Variants in AEBP2 observed in about 807,000 individuals in gnomAD.
AEBP2 encodes AE binding protein 2, also known as zinc finger protein AEBP2.
AEBP2 carries 10 observed loss-of-function variants against 50.8 expected under a neutral mutation model. That is an observed-to-expected ratio of 0.20 (90% CI 0.12 to 0.33). The LOEUF (loss-of-function observed/expected upper bound fraction) is 0.33, where lower values mean the gene tolerates loss of function less well. AEBP2 is among the 10% of genes least tolerant of loss of function. The pLI is 1.00. For synonymous variants in AEBP2, 296 were observed against 261.3 expected (o/e 1.13, Z -1.28); for missense variants, 570 against 688.0 (o/e 0.83, Z 1.92).
At chr12:19,410,099 A>G (rs1472443227) in intron 1 of AEBP2, among the ~76,000 whole-genome samples, 6 of 152,164 alleles carry the variant, frequency 3.9e-5, no homozygotes, top group African/African-American at 1.4e-4. Flanking sequence ...CTTCTCTCTC[A>G]AGAAATTAGA....
intron 3 of AEBP2, among the ~76,000 whole-genome samples, chr12:19,477,851 G>T (rs1172950248): frequency 1.3e-5 from 2 of 152,158 alleles, no homozygotes; most frequent in Non-Finnish European, 2.9e-5. Flanking sequence ...GTTACATTAA[G>T]ATTGGCACCA....
intron 1 of AEBP2, among the ~76,000 whole-genome samples, chr12:19,461,571 G>A (rs1289777440): frequency 7.2e-5 from 11 of 152,014 alleles, no homozygotes; most frequent in Admixed American, 7.2e-4. Flanking sequence ...GTGCAATGGT[G>A]CGATCTCGGC....
At position 19,485,443 on chromosome 12, in the gene AEBP2, C is replaced by T. The variant is rs184755629; in HGVS notation, c.988-8357C>T. On this transcript the variant is annotated intron_variant, in intron 3 of 7. Transcript: ENST00000266508. Reference sequence around the variant, plus strand: ...ACAGAGTAGGCCGGGTGTCCTGGCTCATGCTGTAATCCCAGCACTTTGGGA... The same window carrying T: ...ACAGAGTAGGCCGGGTGTCCTGGCTTATGCTGTAATCCCAGCACTTTGGGA... Among the ~76,000 whole-genome samples the T allele has an allele frequency of 4.6e-5, 7 of 152,088 alleles. No individual in the cohort carries two copies. In the East Asian group the frequency reaches 7.7e-4, roughly 17 times the overall value.
intron 1 of AEBP2, among the ~76,000 whole-genome samples, chr12:19,412,028 G>A (rs531802884): frequency 2.6e-5 from 4 of 152,208 alleles, no homozygotes; most frequent in Admixed American, 6.5e-5. Context: ...TAAGTGCTGC[G>A]CAGGTTCTGT....
chr12:19,410,900 G>A (rs759888655), intron 1 of AEBP2, among the ~76,000 whole-genome samples: 1 of 152,054 alleles, frequency 6.6e-6, no homozygotes, highest in African/African-American at 2.4e-5. Context: ...GAGGAAGGAG[G>A]GACGGCTTAA....
At chr12:19,495,697 A>G (rs1948968191) in intron 4 of AEBP2, among the ~76,000 whole-genome samples, 1 of 151,782 alleles carries the variant, frequency 6.6e-6, no homozygotes, top group African/African-American at 2.4e-5. Flanking sequence ...CTGAGCCACC[A>G]TGCCTGGCTA....
At chr12:19,500,358 TA>T in intron 5 of AEBP2, 137 bp downstream of exon 5, 1 of 893,908 alleles carries the variant, frequency 1.1e-6, no homozygotes. Context: ...TATCAGTATT[TA>T]AAACATTGTA....
At chr12:19,410,609 C>G (rs73335368) in intron 1 of AEBP2, among the ~76,000 whole-genome samples, 1 of 152,150 alleles carries the variant, frequency 6.6e-6, no homozygotes, top group Non-Finnish European at 1.5e-5. Context: ...TCATCTACCC[C>G]CTTCCCCAAC....
At chr12:19,454,346 C>G (rs1948226508) in intron 1 of AEBP2, among the ~76,000 whole-genome samples, 1 of 152,170 alleles carries the variant, frequency 6.6e-6, no homozygotes, top group Middle Eastern at 3.2e-3. Flanking sequence ...TTTATGTCAA[C>G]TTTTAATTGT....
At chr12:19,508,035 T>C (rs1949177083) in intron 5 of AEBP2, among the ~76,000 whole-genome samples, 1 of 152,130 alleles carries the variant, frequency 6.6e-6, no homozygotes, top group Non-Finnish European at 1.5e-5. Context: ...GTCAGCAAAA[T>C]CCTAGTTACC....
intron 1 of AEBP2, among the ~76,000 whole-genome samples, chr12:19,404,912 C>T (rs1793764458): frequency 6.7e-6 from 1 of 150,324 alleles, no homozygotes; most frequent in South Asian, 2.1e-4. Context: ...TCTCGTGATT[C>T]CAACTTCCTT....
At chr12:19,420,194 TTTTTTTGTA>T (rs1346978639) in intron 1 of AEBP2, among the ~76,000 whole-genome samples, 1 of 151,072 alleles carries the variant, frequency 6.6e-6, no homozygotes, top group Admixed American at 6.6e-5. Context: ...TGGCTAATTT[TTTTTTTGTA>T]TTTTTAGTAG....
Position 19,493,662 on chromosome 12 carries a change from TC to T in AEBP2, c.988-135del, listed in dbSNP as rs1948927613. On this transcript the variant is annotated intron_variant, in intron 3 of 7. Coordinates refer to ENST00000266508, the MANE Select transcript of AEBP2 (RefSeq NM_153207.5). ...CTTCGTAAAGTGAAAAGACTACTAGTCCCTTATGCTTCCTTTCTGGAATTAG... is the reference window on the plus strand; with the variant it reads ...CTTCGTAAAGTGAAAAGACTACTAGTCCTTATGCTTCCTTTCTGGAATTAG... 3.9e-6 allele frequency: 3 copies of T among 776,118 alleles called. No individual in the cohort carries two copies. The South Asian group carries it at 6.8e-5, about 18-fold the overall frequency. The allele number at this position is 776,118 out of a possible 1,614,324, so 48.1% of individuals were successfully genotyped here.
In AEBP2 at chr12:19,462,572, T is replaced by G. The variant is rs1437485317; in HGVS notation, c.734T>G (p.Met245Arg). 6.2e-7 allele frequency: 1 copy of G among 1,613,640 alleles called. No homozygotes were observed. Among genetic ancestry groups the G allele is most frequent in the African/African-American group, 1.3e-5 (1 of 74,902 alleles). Residue 245 changes from methionine (M) to arginine (R), a missense_variant, in exon 2 of 8, where the codon ATG (methionine) becomes AGG (arginine). By Grantham distance (91) the Met-to-Arg change is moderately conservative (BLOSUM62 -1). This residue lies in a region of AEBP2 where 184 missense variants were observed against 351.2 expected (regional missense o/e 0.52). Coordinates refer to ENST00000266508, the MANE Select transcript of AEBP2 (RefSeq NM_153207.5). ...TCCAGTGGGCGTTCAACTCCAGCAATGATGAATGGACAAGGAAGCACTACT... is the reference window on the plus strand; with the variant it reads ...TCCAGTGGGCGTTCAACTCCAGCAAGGATGAATGGACAAGGAAGCACTACT... ...TISSGRSTPA[M>R]MNGQGSTTSS...
At chr12:19,410,455 G>T (rs2095738681) in intron 1 of AEBP2, among the ~76,000 whole-genome samples, 1 of 152,126 alleles carries the variant, frequency 6.6e-6, no homozygotes, top group Non-Finnish European at 1.5e-5. Context: ...AGATGGAAGA[G>T]ATTCAAATAT....
chr12:19,512,213 G>A (rs1188701850), intron 5 of AEBP2, among the ~76,000 whole-genome samples, 185 bp from the exon 6 acceptor site: 1 of 152,038 alleles, frequency 6.6e-6, no homozygotes, highest in African/African-American at 2.4e-5. Context: ...GTAGAGACGG[G>A]GTTTCACCAT....
intron 5 of AEBP2, chr12:19,508,950 C>A: frequency 2.2e-6 from 1 of 462,574 alleles, no homozygotes. Context: ...TACAATACAG[C>A]CTCTAACAAA....
At chr12:19,494,013 TGTATTTCATGG>T (rs762427035) in intron 4 of AEBP2, 27 bp downstream of exon 4, 3 of 285,672 alleles carry the variant, frequency 1.1e-5, no homozygotes, top group South Asian at 5.2e-5. Flanking sequence ...GAAAATCTGG[TGTATTTCATGG>T]TTTTAAAAGA....
At chr12:19,475,600 T>C (rs1592749968) in intron 3 of AEBP2, among the ~76,000 whole-genome samples, 1 of 152,284 alleles carries the variant, frequency 6.6e-6, no homozygotes, top group South Asian at 2.1e-4. Flanking sequence ...GTCATTCATA[T>C]AGTGACAATC....
Sources: allele counts gnomAD v4.1 joint callset (sites outside exome capture counted in the v4.1 genomes callset), GRCh38; gene constraint gnomAD v4.1.1; regional missense constraint gnomAD v4.1.1; transcripts MANE v1.5; gene names NCBI Gene and HGNC (gene_info 2026-07-23, HGNC 2026-07-21).